Variants in DNAH7 observed in about 807,000 individuals in gnomAD.
DNAH7 encodes the protein axonemal beta dynein heavy chain 7.
Under a neutral mutation model 444.6 loss-of-function variants are expected in DNAH7, and 397 were observed. The observed-to-expected ratio is 0.89, with a 90% CI of 0.82 to 0.97. DNAH7 has a LOEUF of 0.97. Among genes scored for constraint, DNAH7 ranks in the 50% least tolerant of loss-of-function variants. DNAH7 has a pLI of 0.00. For missense variants in DNAH7, 4,902 were observed against 4,800.8 expected (o/e 1.02, Z -0.62); for synonymous variants, 1,636 against 1,624.4 (o/e 1.01, Z -0.17).
At chr2:196,037,416 T>TA (rs1277905270) in intron 5 of DNAH7, among the ~76,000 whole-genome samples, 5 of 151,724 alleles carry the variant, frequency 3.3e-5, no homozygotes, top group African/African-American at 1.2e-4. Flanking sequence ...AAAGGAAATC[T>TA]AAAAAACCCC....
intron 58 of DNAH7, among the ~76,000 whole-genome samples, chr2:195,784,198 G>A (rs1172205455): frequency 1.3e-5 from 2 of 152,080 alleles, no homozygotes; most frequent in East Asian, 3.9e-4. Context: ...TACCATTACA[G>A]TATCATATAG....
At chr2:195,857,748 T>G in intron 43 of DNAH7, 25 bp from the exon 44 acceptor site, 1 of 1,531,048 alleles carries the variant, frequency 6.5e-7, no homozygotes, top group Non-Finnish European at 8.8e-7. Context: ...GTTAATTATT[T>G]TAAAAGACAT....
chr2:195,956,206 G>T (rs1353544009), intron 19 of DNAH7, among the ~76,000 whole-genome samples: 1 of 152,068 alleles, frequency 6.6e-6, no homozygotes, highest in African/African-American at 2.4e-5. Flanking sequence ...TTCAGGGTAA[G>T]ACATTTTTAA....
At chr2:196,047,630 A>T (rs944010997) in intron 4 of DNAH7, 131 bp from the exon 5 acceptor site, 34 of 519,150 alleles carry the variant, frequency 6.5e-5, no homozygotes, top group East Asian at 7.8e-5. Flanking sequence ...CCTAAGTATA[A>T]TTTTTTTTTT....
chr2:195,955,932 T>C (rs1365588382), intron 19 of DNAH7, among the ~76,000 whole-genome samples: 1 of 152,162 alleles, frequency 6.6e-6, no homozygotes, highest in African/African-American at 2.4e-5. Flanking sequence ...ATGATTGTGT[T>C]ACAAAGCAAC....
intron 3 of DNAH7, 103 bp downstream of exon 3, chr2:196,051,084 A>G: frequency 9.9e-7 from 1 of 1,008,164 alleles, no homozygotes; most frequent in East Asian, 2.4e-5. Flanking sequence ...ATCAGAAAAG[A>G]ATCAAATGGA....
At chr2:195,817,050 T>G in intron 50 of DNAH7, 87 bp from the exon 51 acceptor site, 1 of 974,948 alleles carries the variant, frequency 1.0e-6, no homozygotes, top group Non-Finnish European at 1.5e-6. Context: ...AACAAAGAAC[T>G]TGTAACCTAA....
intron 15 of DNAH7, among the ~76,000 whole-genome samples, chr2:195,981,124 G>A (rs1260876109): frequency 6.6e-6 from 1 of 152,038 alleles, no homozygotes; most frequent in Non-Finnish European, 1.5e-5. Flanking sequence ...TATTAGAACT[G>A]ATAAATTCGG....
chr2:195,830,002 T>C (rs951207050), intron 48 of DNAH7, among the ~76,000 whole-genome samples: 3 of 152,142 alleles, frequency 2.0e-5, no homozygotes, highest in African/African-American at 7.2e-5. Flanking sequence ...AATGTATAGG[T>C]ACATGAATTA....
At chr2:195,815,815 AC>A (rs1400378228) in intron 51 of DNAH7, among the ~76,000 whole-genome samples, 6 of 151,896 alleles carry the variant, frequency 4.0e-5, no homozygotes, top group Admixed American at 3.9e-4. Context: ...ATCCTGGCTG[AC>A]ATGGTGAAAC....
chr2:196,006,841 AAATACATTTTTGTATTTACATTT>A (rs1178656789), intron 10 of DNAH7, among the ~76,000 whole-genome samples: 2 of 152,102 alleles, frequency 1.3e-5, no homozygotes, highest in African/African-American at 4.8e-5. Flanking sequence ...CAAAAAATGT[AAATACATTTTTGTATTTACATTT>A]AATACATATA....
chr2:195,821,707 C>T (rs78082202), intron 49 of DNAH7, among the ~76,000 whole-genome samples: 278 of 152,220 alleles, frequency 1.8e-3, no homozygotes, highest in African/African-American at 6.5e-3. Flanking sequence ...TAGACCTTTC[C>T]CGGAACAGAG....
At chr2:196,041,281 T>C (rs1696742556) in intron 5 of DNAH7, among the ~76,000 whole-genome samples, 1 of 151,776 alleles carries the variant, frequency 6.6e-6, no homozygotes, top group Non-Finnish European at 1.5e-5. Flanking sequence ...AGACCAAAAA[T>C]GGAGGAATCA....
chr2:196,047,326 C>A, intron 5 of DNAH7, 26 bp downstream of exon 5: 1 of 1,523,370 alleles, frequency 6.6e-7, no homozygotes, highest in East Asian at 2.3e-5. Flanking sequence ...ATGGGTAACA[C>A]GTAATGGTTA....
At chr2:195,836,659 G>GA (rs890757806) in intron 47 of DNAH7, among the ~76,000 whole-genome samples, 2 of 151,978 alleles carry the variant, frequency 1.3e-5, no homozygotes, top group African/African-American at 4.8e-5. Context: ...ATTAACTAAT[G>GA]AAAAATCACT....
rs543620722 is a variant in DNAH7, at chr2:195,873,546, A to G, written c.6413+22T>C. On this transcript the variant is annotated intron_variant, in intron 39 of 64. Coordinates refer to ENST00000312428, the MANE Select transcript of DNAH7 (RefSeq NM_018897.3). Reference sequence around the variant, plus strand: ...TATTTTATACCTCCTAATTAAAAAAAAAACAAATTTTGATTACTTACCAGA... The same window carrying G: ...TATTTTATACCTCCTAATTAAAAAAGAAACAAATTTTGATTACTTACCAGA... The G allele has an allele frequency of 6.5e-5, 84 of 1,287,902 alleles. No homozygotes were observed. In the African/African-American group the frequency reaches 1.3e-3, roughly 20 times the overall value. The allele number at this position is 1,287,902 out of a possible 1,614,324, so 79.8% of individuals were successfully genotyped here. A position where few individuals can be genotyped will look rare whatever the true frequency, so the allele number is the denominator to read the frequency against.
intron 51 of DNAH7, 40 bp from the exon 52 acceptor site, chr2:195,809,911 T>C (rs1559112871): frequency 3.5e-6 from 5 of 1,432,188 alleles, no homozygotes; most frequent in Admixed American, 2.4e-5. Flanking sequence ...AATAAAAATA[T>C]ACTTTAAAGA....
intron 57 of DNAH7, 95 bp downstream of exon 57, chr2:195,794,243 A>G: frequency 8.4e-7 from 1 of 1,188,306 alleles, no homozygotes. Flanking sequence ...GGCCTATTTA[A>G]TTTTTAGTTT....
At chr2:195,962,646 G>A (rs781497047) in intron 17 of DNAH7, among the ~76,000 whole-genome samples, 1 of 152,140 alleles carries the variant, frequency 6.6e-6, no homozygotes, top group Admixed American at 6.5e-5. Flanking sequence ...CACTGTGCCT[G>A]GCCCTGTTTT....
Sources: gnomAD v4.1 joint callset for allele counts (sites outside exome capture counted in the v4.1 genomes callset) on GRCh38, gnomAD v4.1.1 for gene constraint, MANE v1.5 for transcripts, NCBI Gene and HGNC (gene_info 2026-07-23, HGNC 2026-07-21) for gene names.